DMXL1: variants seen among roughly 807,000 people sequenced by gnomAD.
DMXL1 encodes dmX-like protein 1.
Under a neutral mutation model 319.2 loss-of-function variants are expected in DMXL1, and 99 were observed. The ratio of observed to expected loss-of-function variants is 0.31; its 90% CI spans 0.26 to 0.37. The LOEUF is 0.37. Ranked by LOEUF, DMXL1 falls within the 10% of genes least tolerant of loss-of-function variation. The pLI is 1.00. For synonymous variants in DMXL1, 1,385 were observed against 1,235.2 expected, an observed-to-expected ratio of 1.12 and a Z score of -2.54; for missense variants, 3,745 against 3,595.6, an observed-to-expected ratio of 1.04 and a Z score of -1.06.
intron 34 of DMXL1, among the ~76,000 whole-genome samples, chr5:119,213,513 T>C (rs1440924946): frequency 6.6e-6 from 1 of 152,246 alleles, no homozygotes; most frequent in Non-Finnish European, 1.5e-5. Flanking sequence ...TATATTTTAA[T>C]GTTTTGCCTT....
At chr5:119,103,744 C>T (rs1757759090) in intron 3 of DMXL1, among the ~76,000 whole-genome samples, 1 of 152,042 alleles carries the variant, frequency 6.6e-6, no homozygotes, top group South Asian at 2.1e-4. Context: ...GATTACCCCA[C>T]CCAGCCCAGA....
intron 28 of DMXL1, among the ~76,000 whole-genome samples, chr5:119,179,354 A>G (rs980373425): frequency 6.6e-6 from 1 of 151,280 alleles, no homozygotes; most frequent in Non-Finnish European, 1.5e-5. Flanking sequence ...GAAGCTCAGC[A>G]AGGTTATTTA....
At chr5:119,220,303 G>A (rs927245866) in intron 35 of DMXL1, among the ~76,000 whole-genome samples, 169 bp from the exon 36 acceptor site, 8 of 152,068 alleles carry the variant, frequency 5.3e-5, no homozygotes, top group African/African-American at 1.2e-4. Flanking sequence ...GAACATAAAC[G>A]TATCTCCAAA....
chr5:119,244,530 C>A lies in DMXL1; in HGVS notation c.8876C>A (p.Pro2959Gln). 1 of 1,614,076 alleles carries A rather than the reference C, an allele frequency of 6.2e-7. No homozygotes were observed. Among genetic ancestry groups the A allele is most frequent in the South Asian group, 1.1e-5 (1 of 91,064 alleles). The change falls in exon 43 of 44, where the codon CCA (proline) becomes CAA (glutamine). Residue 2959 changes from proline to glutamine, a missense_variant. By Grantham distance (76) the Pro-to-Gln change is moderately conservative. Transcript: ENST00000539542. The stretch of plus-strand genomic sequence containing the variant: ...CCTGTTAAAGCCGTTGCTGTTGATC[C>A]AACTGAAGAGTACTTTGTTACAGGA... ...DSPVKAVAVD[P>Q]TEEYFVTGSA... is the part of the protein sequence containing the mutation.
chr5:119,081,388 C>G (rs1752157431), intron 1 of DMXL1, among the ~76,000 whole-genome samples: 1 of 152,140 alleles, frequency 6.6e-6, no homozygotes, highest in Non-Finnish European at 1.5e-5. Context: ...TTTATTGATG[C>G]CATATGTGTG....
intron 20 of DMXL1, 108 bp from the exon 21 acceptor site, chr5:119,165,075 T>A (rs942741987): frequency 4.5e-6 from 3 of 673,570 alleles, no homozygotes; most frequent in African/African-American, 3.7e-5. Flanking sequence ...TACATATTTT[T>A]AAAATTTTAT....
rs559634506 is a variant in DMXL1, at chr5:119,204,928, T to A, written c.7863+1492T>A. On this transcript the variant is annotated intron_variant, in intron 33 of 43. Transcript: ENST00000539542. ...CTAACCTTTCTACCTTAAAGGAAAATTACATATATATCTCATTGTCTCTCA... is the reference window on the plus strand; with the variant it reads ...CTAACCTTTCTACCTTAAAGGAAAAATACATATATATCTCATTGTCTCTCA... Among the ~76,000 whole-genome samples the A allele has an allele frequency of 4.6e-5, 7 of 152,228 alleles. No homozygotes were observed. The East Asian group carries it at 1.3e-3, about 29-fold the overall frequency.
Position 119,177,439 on chromosome 5 carries a change from T to G in DMXL1, c.6841T>G (p.Leu2281Val), listed in dbSNP as rs1241966364. 6.2e-7 allele frequency: 1 copy of G among 1,609,790 alleles called. No homozygotes were observed. The highest frequency in any genetic ancestry group is 8.5e-7 in the Non-Finnish European group (1 of 1,177,334). The change falls in exon 27 of 44, where the codon TTA becomes GTA. Residue 2281 changes from leucine (L) to valine (V), a missense_variant. By Grantham distance (32) the Leu-to-Val change is conservative. Around this residue, in one of 4 missense-constraint regions of DMXL1, gnomAD observed 1,382 missense variants for 1,269.5 expected, o/e 1.09. Coordinates refer to ENST00000539542, the MANE Select transcript of DMXL1 (RefSeq NM_001290321.3). ...PHRPSLKTGS[L>V]DEALTPNTSP... ...TCGACCTTCTTTGAAAACAGGAAGC[T>G]TAGATGAAGCATTAACTCCCAATAC...
At chr5:119,210,757 G>GTTTTTT in intron 34 of DMXL1, among the ~76,000 whole-genome samples, 10 of 89,776 alleles carry the variant, frequency 1.1e-4, no homozygotes, top group African/African-American at 1.6e-4. Flanking sequence ...TTTTTCTTTC[G>GTTTTTT]TTTTTTTTTT....
chr5:119,124,778 C>G (rs1763131389), intron 9 of DMXL1, among the ~76,000 whole-genome samples: 1 of 152,134 alleles, frequency 6.6e-6, no homozygotes, highest in Non-Finnish European at 1.5e-5. Flanking sequence ...GTTGGCCAGG[C>G]TGGTCTCGAG....
In DMXL1 at chr5:119,170,918, A is replaced by C. The variant is rs1279454536; in HGVS notation, c.6127A>C (p.Thr2043Pro). 6.2e-7 allele frequency: 1 copy of C among 1,613,542 alleles called. No homozygotes were observed. The highest frequency in any genetic ancestry group is 8.5e-7 in the Non-Finnish European group (1 of 1,179,842). ...AAAGATTCTCACAGTAGAACTTCGT[A>C]CTTTATCTACTGGCTATGAAATAGA... ...CLKILTVELR[T>P]LSTGYEIDGG... is the part of the protein sequence containing the mutation. The change falls in exon 24 of 44, where the codon ACT becomes CCT. Residue 2043 changes from threonine (T) to proline (P), a missense_variant. By Grantham distance (38) the Thr-to-Pro change is conservative (BLOSUM62 -1). This residue lies in a region of DMXL1 where 1,382 missense variants were observed against 1,269.5 expected (regional missense o/e 1.09). Transcript: ENST00000539542.
At position 119,118,957 on chromosome 5, in the gene DMXL1, T is replaced by G; in HGVS notation, c.886T>G (p.Phe296Val). 1 of 1,613,528 alleles carries G rather than the reference T, an allele frequency of 6.2e-7. No individual in the cohort carries two copies. Among genetic ancestry groups the G allele is most frequent in the East Asian group, 2.2e-5 (1 of 44,844 alleles). The change falls in exon 8 of 44, where the codon TTC (phenylalanine) becomes GTC (valine). Residue 296 changes from phenylalanine (F) to valine (V), a missense_variant. Physicochemically the swap from Phe to Val is conservative, Grantham distance 50 (BLOSUM62 -1). Coordinates refer to ENST00000539542, the MANE Select transcript of DMXL1 (RefSeq NM_001290321.3). ...WTESINLTNN[F>V]KRNASSKERV... ...TGAATCAATTAATTTAACAAATAAC[T>G]TCAAGAGAAATGCTTCCAGTAAAGA...
At chr5:119,124,338 A>G (rs1763002018) in intron 9 of DMXL1, among the ~76,000 whole-genome samples, 1 of 151,670 alleles carries the variant, frequency 6.6e-6, no homozygotes, top group African/African-American at 2.4e-5. Context: ...AAAAAAAGTA[A>G]GAAAGACCAA....
chr5:119,159,279 T>C (rs1771749711), intron 19 of DMXL1, among the ~76,000 whole-genome samples: 1 of 152,124 alleles, frequency 6.6e-6, no homozygotes, highest in South Asian at 2.1e-4. Flanking sequence ...GTATTTTTAG[T>C]AGAGACAGAG....
At chr5:119,168,381 C>G (rs1408057021) in intron 23 of DMXL1, among the ~76,000 whole-genome samples, 1 of 151,910 alleles carries the variant, frequency 6.6e-6, no homozygotes, top group Non-Finnish European at 1.5e-5. Context: ...TTCTTAGAGG[C>G]CAGTATAAAA....
chr5:119,175,176 A>T, intron 25 of DMXL1, 85 bp from the exon 26 acceptor site: 2 of 1,005,922 alleles, frequency 2.0e-6, no homozygotes, highest in Non-Finnish European at 2.9e-6. Context: ...TCATTCTTTT[A>T]AAAATGCTGA....
intron 34 of DMXL1, among the ~76,000 whole-genome samples, chr5:119,209,399 G>A (rs1490918678): frequency 6.6e-6 from 1 of 150,616 alleles, no homozygotes; most frequent in African/African-American, 2.4e-5. Context: ...CTCCCAGGCT[G>A]GGTGTAGTGG....
In DMXL1 at chr5:119,171,826, G is replaced by T; in HGVS notation, c.6538G>T (p.Val2180Leu). ...FSSPLSEQTS[V>L]PLLFACTANA... is the part of the protein sequence containing the mutation. ...TAGCCCTCTGTCAGAGCAAACCTCAGTGCCTCTCCTCTTTGCTTGTACAGC... is the reference window on the plus strand; with the variant it reads ...TAGCCCTCTGTCAGAGCAAACCTCATTGCCTCTCCTCTTTGCTTGTACAGC... Residue 2180 changes from valine (V) to leucine (L), a missense_variant, in exon 25 of 44, where the codon GTG becomes TTG. Transcript: ENST00000539542. 1 of 1,613,714 alleles carries T rather than the reference G, an allele frequency of 6.2e-7. No homozygotes were observed. The highest frequency in any genetic ancestry group is 8.5e-7 in the Non-Finnish European group (1 of 1,179,816).
chr5:119,089,293 T>TATATA (rs70982466), intron 1 of DMXL1, among the ~76,000 whole-genome samples: 5 of 25,340 alleles, frequency 2.0e-4, no homozygotes, highest in South Asian at 2.9e-3. Flanking sequence ...TATATATATA[T>TATATA]TTTTTTTTTT....
Sources: gnomAD v4.1 joint callset for allele counts (sites outside exome capture counted in the v4.1 genomes callset) on GRCh38, gnomAD v4.1.1 for gene constraint, gnomAD v4.1.1 regional missense constraint, MANE v1.5 for transcripts, NCBI Gene and HGNC (gene_info 2026-07-23, HGNC 2026-07-21) for gene names.